GABRB2: variants seen among roughly 807,000 people sequenced by gnomAD.
GABRB2 encodes gamma-aminobutyric acid type A receptor subunit beta2.
GABRB2 carries 16 observed loss-of-function variants against 54.7 expected under a neutral mutation model. The ratio of observed to expected loss-of-function variants is 0.29; its 90% CI spans 0.20 to 0.44. GABRB2 has a LOEUF of 0.44. GABRB2 is among the 20% of genes least tolerant of loss of function. The pLI is 1.00. For missense variants in GABRB2, 355 were observed against 644.0 expected, an observed-to-expected ratio of 0.55 and a Z score of 4.86; for synonymous variants, 244 against 233.8, an observed-to-expected ratio of 1.04 and a Z score of -0.40.
chr5:161,437,591 C>T (rs1757348057), intron 4 of GABRB2, among the ~76,000 whole-genome samples: 1 of 152,066 alleles, frequency 6.6e-6, no homozygotes, highest in African/African-American at 2.4e-5. Context: ...ACCAAGTGGG[C>T]TCTTGGGGTC....
At chr5:161,311,007 G>T (rs1017582123) in intron 9 of GABRB2, among the ~76,000 whole-genome samples, 1 of 151,964 alleles carries the variant, frequency 6.6e-6, no homozygotes, top group East Asian at 1.9e-4. Flanking sequence ...TGATCTGCCC[G>T]CCTCGGCCTC....
intron 5 of GABRB2, among the ~76,000 whole-genome samples, chr5:161,371,053 T>G (rs1240553637): frequency 6.6e-6 from 1 of 152,182 alleles, no homozygotes; most frequent in East Asian, 1.9e-4. Context: ...TTCCTCCTCT[T>G]AGCTCTGACA....
chr5:161,504,764 A>T, intron 3 of GABRB2, among the ~76,000 whole-genome samples: 1 of 151,988 alleles, frequency 6.6e-6, no homozygotes, highest in Non-Finnish European at 1.5e-5. Flanking sequence ...ATTAAAAAAA[A>T]AAGGTATATC....
At chr5:161,407,254 G>A (rs1422951) in intron 5 of GABRB2, among the ~76,000 whole-genome samples, 100,596 of 151,812 alleles carry the variant, frequency 0.66, 34,295 homozygotes, top group South Asian at 0.76. Context: ...AGCTGAGCTG[G>A]CACAGAATAC....
At chr5:161,321,456 T>C (rs1758207206) in intron 9 of GABRB2, among the ~76,000 whole-genome samples, 1 of 152,128 alleles carries the variant, frequency 6.6e-6, no homozygotes, top group South Asian at 2.1e-4. Context: ...GTGTTATCTT[T>C]AGTTCTAAAT....
At chr5:161,327,721 C>T (rs966431022) in intron 8 of GABRB2, among the ~76,000 whole-genome samples, 16 of 152,098 alleles carry the variant, frequency 1.1e-4, no homozygotes, top group Middle Eastern at 3.2e-3. Flanking sequence ...GTTCAAAAAT[C>T]ACTTTAGATA....
At chr5:161,369,938 A>T (rs1421597598) in intron 5 of GABRB2, among the ~76,000 whole-genome samples, 2 of 152,120 alleles carry the variant, frequency 1.3e-5, no homozygotes, top group African/African-American at 4.8e-5. Context: ...TTCAAAATAA[A>T]TTAAATTGTC....
intron 9 of GABRB2, among the ~76,000 whole-genome samples, chr5:161,306,412 A>G (rs1345177251): frequency 6.6e-6 from 1 of 152,224 alleles, no homozygotes; most frequent in Non-Finnish European, 1.5e-5. Context: ...TCAGATGTAT[A>G]GAGATATTTT....
At chr5:161,413,099 A>G (rs1156594913) in intron 4 of GABRB2, among the ~76,000 whole-genome samples, 1 of 152,080 alleles carries the variant, frequency 6.6e-6, no homozygotes, top group Non-Finnish European at 1.5e-5. Context: ...GTCTTCCAAT[A>G]AAGTTTAAGC....
rs761305470 is a variant in GABRB2 at position 161,294,108 on chromosome 5, G to T, written c.1512C>A (p.Ile504=). Residue 504 remains isoleucine (I), a synonymous_variant, in exon 10 of 10, where the codon ATC becomes ATA. Coordinates refer to ENST00000393959, the MANE Select transcript of GABRB2 (RefSeq NM_001371727.1). The stretch of plus-strand genomic sequence containing the variant: ...AGTTCACATAATAAAGCCAATAGAC[G>T]ATGTTGAAGAAGGAAAAAACCACTG... ...FFPVVFSFFN[I]VYWLYYVN The T allele has an allele frequency of 1.2e-6, 2 of 1,613,312 alleles. No homozygotes were observed. The highest frequency in any genetic ancestry group is 1.1e-5 in the South Asian group (1 of 91,058).
chr5:161,337,001 AC>A (rs1286151012), intron 5 of GABRB2, among the ~76,000 whole-genome samples: 1 of 152,176 alleles, frequency 6.6e-6, no homozygotes, highest in African/African-American at 2.4e-5. Flanking sequence ...TATTAGACTT[AC>A]AAAAGCTTAG....
At chr5:161,409,554 T>C (rs1204164227) in intron 5 of GABRB2, among the ~76,000 whole-genome samples, 2 of 152,248 alleles carry the variant, frequency 1.3e-5, no homozygotes, top group South Asian at 2.1e-4. Flanking sequence ...CTGTGATTAT[T>C]TGATATCCCA....
At chr5:161,311,307 A>AT (rs1353396539) in intron 9 of GABRB2, among the ~76,000 whole-genome samples, 10 of 152,232 alleles carry the variant, frequency 6.6e-5, no homozygotes, top group Non-Finnish European at 8.8e-5. Flanking sequence ...TTCAAATTGG[A>AT]TTCTATGGCT....
intron 9 of GABRB2, among the ~76,000 whole-genome samples, chr5:161,324,584 C>T (rs552150337): frequency 6.4e-4 from 97 of 152,152 alleles, no homozygotes; most frequent in African/African-American, 2.3e-3. Context: ...AATGACAATG[C>T]TTGAATATGA....
Position 161,320,360 on chromosome 5 carries a change from G to C in GABRB2, c.1191+6008C>G, listed in dbSNP as rs532677132. ...AATGTTCTTCAATTTAATTTTTATTGTATCTTTGACACACGTGACTTGTAC... is the reference window on the plus strand; with the variant it reads ...AATGTTCTTCAATTTAATTTTTATTCTATCTTTGACACACGTGACTTGTAC... On this transcript the variant is annotated intron_variant, in intron 9 of 9. Coordinates refer to ENST00000393959, the MANE Select transcript of GABRB2 (RefSeq NM_001371727.1). Among the ~76,000 whole-genome samples, 12 of 133,154 alleles carry C rather than the reference G, an allele frequency of 9.0e-5. 1 individual carries two copies. The highest frequency in any genetic ancestry group is 4.6e-4 in the South Asian group (2 of 4,326). 87.4% of individuals were successfully genotyped at this position (133,154 alleles called of 152,430 possible).
intron 4 of GABRB2, among the ~76,000 whole-genome samples, chr5:161,437,692 C>T (rs1372762841): frequency 2.0e-5 from 3 of 152,136 alleles, no homozygotes; most frequent in African/African-American, 7.2e-5. Flanking sequence ...AGTCCCAGGC[C>T]AGGCAGCATT....
At chr5:161,518,050 G>A (rs775269715) in intron 3 of GABRB2, among the ~76,000 whole-genome samples, 12 of 151,986 alleles carry the variant, frequency 7.9e-5, no homozygotes, top group Non-Finnish European at 1.8e-4. Context: ...CCTCGTGATC[G>A]GCCCGCCCCA....
At chr5:161,463,318 C>A (rs1462453244) in intron 3 of GABRB2, among the ~76,000 whole-genome samples, 6 of 42,554 alleles carry the variant, frequency 1.4e-4, no homozygotes, top group African/African-American at 4.2e-4. Flanking sequence ...ACACACACAC[C>A]ACACACACAC....
chr5:161,510,294 T>G (rs1051629745), intron 3 of GABRB2, among the ~76,000 whole-genome samples: 1 of 151,388 alleles, frequency 6.6e-6, no homozygotes, highest in African/African-American at 2.4e-5. Flanking sequence ...CTACTCTCTA[T>G]GTCCATGAGT....
Sources: gnomAD v4.1 joint callset for allele counts (sites outside exome capture counted in the v4.1 genomes callset) on GRCh38, gnomAD v4.1.1 for gene constraint, MANE v1.5 for transcripts, NCBI Gene and HGNC (gene_info 2026-07-23, HGNC 2026-07-21) for gene names.